Variants in DNAH9 observed in about 807,000 individuals in gnomAD.
DNAH9 encodes DNAH9 variant protein.
DNAH9 carries 345 observed loss-of-function variants against 471.6 expected under a neutral mutation model. The ratio of observed to expected loss-of-function variants is 0.73; its 90% CI spans 0.67 to 0.80. The LOEUF (loss-of-function observed/expected upper bound fraction) is 0.80, where lower values mean the gene tolerates loss of function less well. DNAH9 is among the 30% of genes least tolerant of loss of function. DNAH9 has a pLI of 0.00. For synonymous variants in DNAH9, 2,093 were observed against 2,123.6 expected, an observed-to-expected ratio of 0.99 and a Z score of 0.40; for missense variants, 5,407 against 5,609.2, an observed-to-expected ratio of 0.96 and a Z score of 1.15.
chr17:11,672,464 T>G (rs2073987194), intron 17 of DNAH9, among the ~76,000 whole-genome samples: 1 of 152,166 alleles, frequency 6.6e-6, no homozygotes, highest in South Asian at 2.1e-4. Context: ...GTGGGTAAGG[T>G]ATGGTTGCTC....
chr17:11,709,031 C>G (rs1015920879), intron 26 of DNAH9, among the ~76,000 whole-genome samples: 8 of 152,094 alleles, frequency 5.3e-5, no homozygotes, highest in Admixed American at 2.0e-4. Context: ...ATTATCATTC[C>G]AAGTGATAAA....
intron 6 of DNAH9, among the ~76,000 whole-genome samples, chr17:11,625,253 G>C (rs372587553): frequency 1.3e-5 from 2 of 152,146 alleles, no homozygotes; most frequent in African/African-American, 4.8e-5. Flanking sequence ...GATTCATTTG[G>C]AGACAAAATG....
intron 48 of DNAH9, among the ~76,000 whole-genome samples, chr17:11,829,330 C>T (rs1970610221): frequency 6.6e-6 from 1 of 151,980 alleles, no homozygotes; most frequent in Non-Finnish European, 1.5e-5. Context: ...GCTAAATGAA[C>T]ATTATAGCCT....
Position 11,704,266 on chromosome 17 carries a change from G to C in DNAH9, c.5215G>C (p.Glu1739Gln), listed in dbSNP as rs777806746. The C allele has an allele frequency of 1.2e-6, 2 of 1,614,216 alleles. No individual in the cohort carries two copies. Among genetic ancestry groups the C allele is most frequent in the South Asian group, 2.2e-5 (2 of 91,082 alleles). Residue 1739 changes from glutamate (E) to glutamine (Q), a missense_variant, in exon 25 of 69, where the codon GAG (glutamate) becomes CAG (glutamine). Coordinates refer to ENST00000262442, the MANE Select transcript of DNAH9 (RefSeq NM_001372.4). ...TEVGMAFARL[E>Q]EGYESAMKDY... ...AGTGGGCATGGCATTTGCCAGGCTG[G>C]AGGAAGGCTATGAGAGTGCCATGAA...
chr17:11,752,763 G>C, intron 32 of DNAH9, 70 bp from the exon 33 acceptor site: 2 of 1,355,220 alleles, frequency 1.5e-6, no homozygotes, highest in Non-Finnish European at 2.0e-6. Context: ...AGCTAAAGGG[G>C]GAAAGCTGTG....
At position 11,669,652 on chromosome 17, in the gene DNAH9, G is replaced by A; in HGVS notation, c.3211G>A (p.Glu1071Lys). Residue 1071 changes from glutamate to lysine, a missense_variant, in exon 17 of 69, where the codon GAG becomes AAG. Transcript: ENST00000262442. ...CGACTCCTATGAAACGCTCTATGAAGAGGTGTGCAGGCTGGAACCCATCAA... is the reference window on the plus strand; with the variant it reads ...CGACTCCTATGAAACGCTCTATGAAAAGGTGTGCAGGCTGGAACCCATCAA... Reference protein sequence around the residue: ...QIDSYETLYEEVCRLEPIKVF... With the variant: ...QIDSYETLYEKVCRLEPIKVF... 1 of 1,614,184 alleles carries A rather than the reference G, an allele frequency of 6.2e-7. No homozygotes were observed. Among genetic ancestry groups the A allele is most frequent in the African/African-American group, 1.3e-5 (1 of 75,032 alleles).
At chr17:11,658,860 A>G (rs1009924454) in intron 14 of DNAH9, among the ~76,000 whole-genome samples, 1 of 152,002 alleles carries the variant, frequency 6.6e-6, no homozygotes, top group African/African-American at 2.4e-5. Context: ...CGATCATGTC[A>G]TATTAATCTT....
intron 59 of DNAH9, among the ~76,000 whole-genome samples, chr17:11,898,083 C>G (rs1252472172): frequency 6.6e-6 from 1 of 151,938 alleles, no homozygotes; most frequent in African/African-American, 2.4e-5. Context: ...TGGCTGTCTT[C>G]TGTGTCCCTC....
chr17:11,947,915 C>T (rs62062002), intron 67 of DNAH9, among the ~76,000 whole-genome samples: 62,904 of 150,280 alleles, frequency 0.42, 14,239 homozygotes, highest in Middle Eastern at 0.54. Context: ...CCGGCTCCCG[C>T]CAGCACGCCC....
At chr17:11,686,758 A>G (rs2074248998) in intron 19 of DNAH9, among the ~76,000 whole-genome samples, 1 of 152,216 alleles carries the variant, frequency 6.6e-6, no homozygotes, top group Non-Finnish European at 1.5e-5. Flanking sequence ...ATGGGTGCCA[A>G]AGGAAGAATG....
chr17:11,940,192 A>T (rs1392146503), intron 66 of DNAH9, among the ~76,000 whole-genome samples: 1 of 152,176 alleles, frequency 6.6e-6, no homozygotes, highest in Non-Finnish European at 1.5e-5. Flanking sequence ...GTCCCTTGGA[A>T]CCCACTCCTC....
At chr17:11,907,257 G>C (rs1973635897) in intron 61 of DNAH9, among the ~76,000 whole-genome samples, 1 of 152,084 alleles carries the variant, frequency 6.6e-6, no homozygotes, top group African/African-American at 2.4e-5. Context: ...GATTACCTGA[G>C]GTCAGGAGTT....
chr17:11,822,652 T>C lies in DNAH9; in HGVS notation c.9012+53T>C, dbSNP rs1970349430. On this transcript the variant is annotated intron_variant, in intron 47 of 68. Transcript: ENST00000262442. ...AAGTCCTTCCCAGATGAGGGTACAA[T>C]GAATTCCCTGTCCAGGATGTTAGGG... 3 of 1,605,388 alleles carry C rather than the reference T, an allele frequency of 1.9e-6. No homozygotes were observed. The Admixed American group carries it at 5.0e-5, about 27-fold the overall frequency.
intron 49 of DNAH9, among the ~76,000 whole-genome samples, chr17:11,851,094 T>TTTG (rs139118005): frequency 0.7 from 103,003 of 147,942 alleles, 37,669 homozygotes; most frequent in Non-Finnish European, 0.83. Context: ...TTGAGGTTGT[T>TTTG]TTGTTGTTGT....
rs558156441 is a variant in DNAH9, at chr17:11,702,819, G to A, written c.5152-1384G>A. ...TAGAAAGTATTCACAGTGGCTGGGC[G>A]TGATGGCTCACGCCTGTAATCCCAG... On this transcript the variant is annotated intron_variant, in intron 24 of 68. Coordinates refer to ENST00000262442, the MANE Select transcript of DNAH9 (RefSeq NM_001372.4). 1.1e-3 allele frequency among the ~76,000 whole-genome samples: 164 copies of A among 152,292 alleles called. 1 individual carries two copies. The highest frequency in any genetic ancestry group is 1.9e-3 in the Non-Finnish European group (129 of 68,018).
intron 66 of DNAH9, among the ~76,000 whole-genome samples, chr17:11,939,832 A>G (rs1007299352): frequency 6.6e-6 from 1 of 151,688 alleles, no homozygotes; most frequent in African/African-American, 2.4e-5. Flanking sequence ...GGATGGATGG[A>G]TGGATGGATG....
At chr17:11,807,698 T>C in intron 43 of DNAH9, 34 bp from the exon 44 acceptor site, 5 of 1,581,982 alleles carry the variant, frequency 3.2e-6, no homozygotes, top group Non-Finnish European at 4.3e-6. Flanking sequence ...GAAAGTCTGA[T>C]CAAAGCAACA....
At chr17:11,765,208 GC>G (rs1967883825) in intron 36 of DNAH9, among the ~76,000 whole-genome samples, 1 of 152,156 alleles carries the variant, frequency 6.6e-6, no homozygotes, top group African/African-American at 2.4e-5. Flanking sequence ...ACCCATGGGT[GC>G]TTATTATTAC....
chr17:11,658,082 T>C (rs1341663932), intron 14 of DNAH9, among the ~76,000 whole-genome samples: 1 of 152,154 alleles, frequency 6.6e-6, no homozygotes, highest in East Asian at 1.9e-4. Context: ...TTGATTGAGA[T>C]TACATTAAAT....
Sources: allele counts gnomAD v4.1 joint callset (sites outside exome capture counted in the v4.1 genomes callset), GRCh38; gene constraint gnomAD v4.1.1; transcripts MANE v1.5; gene names NCBI Gene and HGNC (gene_info 2026-07-23, HGNC 2026-07-21).